SCN10A: variants seen among roughly 807,000 people sequenced by gnomAD.
The protein encoded by SCN10A is sodium channel protein type 10 subunit alpha.
In SCN10A, 162 loss-of-function variants were observed where a neutral mutation model predicts 170.7. The ratio of observed to expected loss-of-function variants is 0.95; its 90% CI spans 0.84 to 1.08. SCN10A has a LOEUF of 1.08. Ranked by LOEUF, SCN10A falls within the 50% of genes least tolerant of loss-of-function variation. The pLI is 0.00. For missense variants in SCN10A, 2,527 were observed against 2,436.9 expected (o/e 1.04, Z -0.78); for synonymous variants, 985 against 904.6 (o/e 1.09, Z -1.59).
At position 38,807,603 on chromosome 3, in the gene SCN10A, A is replaced by G. The variant is rs550835995; in HGVS notation, c.-33+8434T>C. 2.6e-5 allele frequency among the ~76,000 whole-genome samples: 4 copies of G among 152,260 alleles called. No homozygotes were observed. In the South Asian group the frequency reaches 8.3e-4, roughly 32 times the overall value. ...TACATACTGGAGGTCATTAAATATC[A>G]GAACTTCTTGGGATTCTGTCCTAGT... On this transcript the variant is annotated intron_variant, in intron 1 of 27. Transcript: ENST00000449082.
At position 38,761,191 on chromosome 3, in the gene SCN10A, C is replaced by G; in HGVS notation, c.883+1G>C. 1 of 1,600,934 alleles carries G rather than the reference C, an allele frequency of 6.2e-7. No individual in the cohort carries two copies. Among genetic ancestry groups the G allele is most frequent in the Non-Finnish European group, 8.5e-7 (1 of 1,171,490 alleles). On this transcript the variant is annotated splice_donor_variant, in intron 7 of 27. Coordinates refer to ENST00000449082, the MANE Select transcript of SCN10A (RefSeq NM_006514.4). LOFTEE classifies it high-confidence loss of function. ...GTCCCTATGGAAGAGACTCCACTCA[C>G]GTTTTCTGTGAGATGAGTAGTTGGT...
intron 5 of SCN10A, among the ~76,000 whole-genome samples, chr3:38,768,692 T>A (rs2126038733): frequency 6.6e-6 from 1 of 152,294 alleles, no homozygotes; most frequent in South Asian, 2.1e-4. Flanking sequence ...ATTCTTTTCT[T>A]TGTCTTGACT....
At chr3:38,702,813 G>A (rs2063170500) in intron 26 of SCN10A, among the ~76,000 whole-genome samples, 1 of 152,234 alleles carries the variant, frequency 6.6e-6, no homozygotes, top group Non-Finnish European at 1.5e-5. Context: ...AGGAGGCAGA[G>A]TGGCCTGGAT....
Position 38,712,447 on chromosome 3 carries a change from TG to T in SCN10A, c.3805-3del, listed in dbSNP as rs1559416175. The T allele has an allele frequency of 6.2e-7, 1 of 1,612,910 alleles. No individual in the cohort carries two copies. ...GCCCACCAGGGCATCCACCACCACC[TG>T]GTGGGAGATAGAGAAAGACCTGGAA... is the stretch of plus-strand genomic sequence containing the variant. On this transcript the variant is annotated splice_polypyrimidine_tract_variant and splice_region_variant and intron_variant, in intron 22 of 27. Coordinates refer to ENST00000449082, the MANE Select transcript of SCN10A (RefSeq NM_006514.4).
chr3:38,793,351 T>C (rs6599261), intron 2 of SCN10A, among the ~76,000 whole-genome samples: 1 of 151,850 alleles, frequency 6.6e-6, no homozygotes, highest in African/African-American at 2.4e-5. Context: ...TGAGGACCAC[T>C]GGCTTAAATT....
intron 4 of SCN10A, among the ~76,000 whole-genome samples, chr3:38,779,023 A>G (rs1255701618): frequency 6.6e-6 from 1 of 152,076 alleles, no homozygotes; most frequent in East Asian, 1.9e-4. Context: ...CAACTTTGGA[A>G]GACGATTTGG....
chr3:38,737,775 TCTCTCC>T (rs1187509928), intron 15 of SCN10A, among the ~76,000 whole-genome samples: 8,021 of 111,900 alleles, frequency 0.072, 369 homozygotes, highest in East Asian at 0.12. Flanking sequence ...CCTCCCTCTC[TCTCTCC>T]CTCCCTCCCT....
intron 13 of SCN10A, among the ~76,000 whole-genome samples, chr3:38,747,494 CT>C (rs2063703827): frequency 6.6e-6 from 1 of 152,144 alleles, no homozygotes; most frequent in Non-Finnish European, 1.5e-5. Context: ...TCATTTAATC[CT>C]CACAAAACTC....
Position 38,752,333 on chromosome 3 carries a change from G to A in SCN10A, c.1641C>T (p.Gly547=). The change falls in exon 12 of 28, where the codon GGC becomes GGT. Residue 547 remains glycine, a synonymous_variant. Coordinates refer to ENST00000449082, the MANE Select transcript of SCN10A (RefSeq NM_006514.4). ...GAGGAAGAGGGCTTCTAGGGAGGGG[G>A]CCTTGCTGGCCAGCACCCCCACCCA... The part of the protein sequence containing the change: ...LLLGGGAGQQ[G]PLPRSPLPQP... 3.1e-6 allele frequency: 5 copies of A among 1,613,192 alleles called. No homozygotes were observed. The highest frequency in any genetic ancestry group is 2.2e-5 in the East Asian group (1 of 44,788).
chr3:38,739,498 C>G lies in SCN10A; in HGVS notation c.2280+17G>C. 2 of 1,609,432 alleles carry G rather than the reference C, an allele frequency of 1.2e-6. No individual in the cohort carries two copies. The highest frequency in any genetic ancestry group is 1.7e-5 in the Admixed American group (1 of 59,728). Reference sequence around the variant, plus strand: ...CTGGGTGGGAGTTTCCCCAAGCCATCAAGAGAAAAACATTACCAAGCGGAA... The same window carrying G: ...CTGGGTGGGAGTTTCCCCAAGCCATGAAGAGAAAAACATTACCAAGCGGAA... On this transcript the variant is annotated intron_variant, in intron 15 of 27. Transcript: ENST00000449082.
chr3:38,775,062 TAA>T (rs557296011), intron 4 of SCN10A, among the ~76,000 whole-genome samples: 2 of 152,028 alleles, frequency 1.3e-5, no homozygotes, highest in Non-Finnish European at 2.9e-5. Context: ...TTTCCTCTTT[TAA>T]AAAAAAGTTT....
At chr3:38,775,537 A>T (rs1418966482) in intron 4 of SCN10A, among the ~76,000 whole-genome samples, 3 of 152,178 alleles carry the variant, frequency 2.0e-5, no homozygotes, top group Non-Finnish European at 4.4e-5. Flanking sequence ...ATAAGCCAAC[A>T]TACCTTTTAA....
chr3:38,802,985 C>T (rs1392551857), intron 1 of SCN10A, among the ~76,000 whole-genome samples: 1 of 152,086 alleles, frequency 6.6e-6, no homozygotes, highest in Non-Finnish European at 1.5e-5. Context: ...AAAAAGTGGG[C>T]AAAGGATATG....
At chr3:38,726,454 C>A in intron 17 of SCN10A, 152 bp downstream of exon 17, 2 of 596,648 alleles carry the variant, frequency 3.4e-6, no homozygotes, top group East Asian at 5.6e-5. Flanking sequence ...TTCTTCCAGG[C>A]CCTGCTCAAA....
rs530301579 is a variant in SCN10A at position 38,709,420 on chromosome 3, C to T, written c.4281+58G>A. 6 of 1,533,618 alleles carry T rather than the reference C, an allele frequency of 3.9e-6. No individual in the cohort carries two copies. The East Asian group carries it at 1.4e-4, about 35-fold the overall frequency. ...CAGGAGGCCAGAGCTGGGCAGGGAACAGGAAATATAAGGCTTACCACTACA... is the reference window on the plus strand; with the variant it reads ...CAGGAGGCCAGAGCTGGGCAGGGAATAGGAAATATAAGGCTTACCACTACA... On this transcript the variant is annotated intron_variant, in intron 25 of 27. Transcript: ENST00000449082.
chr3:38,805,362 T>C (rs1038573823), intron 1 of SCN10A, among the ~76,000 whole-genome samples: 4 of 152,138 alleles, frequency 2.6e-5, no homozygotes, highest in African/African-American at 9.7e-5. Context: ...CTCTAATACA[T>C]GGAACAAATA....
intron 7 of SCN10A, 115 bp from the exon 8 acceptor site, chr3:38,760,862 G>T: frequency 1.2e-6 from 1 of 800,498 alleles, no homozygotes; most frequent in Non-Finnish European, 2.1e-6. Flanking sequence ...TTGGCTACAT[G>T]TACTCAGTGG....
chr3:38,812,761 T>A (rs1432867919), intron 1 of SCN10A, among the ~76,000 whole-genome samples: 1 of 152,148 alleles, frequency 6.6e-6, no homozygotes, highest in African/African-American at 2.4e-5. Context: ...CCGCTGGGCA[T>A]GGTAGCTCAC....
chr3:38,795,700 C>G (rs1390565079), intron 1 of SCN10A, among the ~76,000 whole-genome samples: 2 of 152,058 alleles, frequency 1.3e-5, no homozygotes. Flanking sequence ...CTCAGCTTTT[C>G]CCATACATGA....
Sources: allele counts gnomAD v4.1 joint callset (sites outside exome capture counted in the v4.1 genomes callset), GRCh38; gene constraint gnomAD v4.1.1; transcripts MANE v1.5; gene names NCBI Gene and HGNC (gene_info 2026-07-23, HGNC 2026-07-21).